The following SUMF1 variants were observed in gnomAD, a reference collection of about 807,000 sequenced individuals.
SUMF1 encodes the protein formylglycine-generating enzyme.
Under a neutral mutation model 47.6 loss-of-function variants are expected in SUMF1, and 48 were observed. The observed-to-expected ratio is 1.01, with a 90% CI of 0.80 to 1.28. The LOEUF (loss-of-function observed/expected upper bound fraction) is 1.28. Ranked by LOEUF, SUMF1 falls within the 50% of genes most tolerant of loss-of-function variation. SUMF1 has a pLI of 0.00. For synonymous variants in SUMF1, 230 were observed against 192.1 expected, an observed-to-expected ratio of 1.20 and a Z score of -1.63; for missense variants, 571 against 485.4, an observed-to-expected ratio of 1.18 and a Z score of -1.66.
intron 7 of SUMF1, among the ~76,000 whole-genome samples, chr3:4,399,103 G>C: frequency 6.6e-6 from 1 of 152,220 alleles, no homozygotes; most frequent in East Asian, 1.9e-4. Context: ...AGAGGGGGCG[G>C]AGGGATGGGG....
intron 3 of SUMF1, among the ~76,000 whole-genome samples, chr3:4,443,691 G>C (rs924808961): frequency 1.3e-5 from 2 of 152,086 alleles, no homozygotes; most frequent in African/African-American, 4.8e-5. Flanking sequence ...CTTCAGCCCA[G>C]GAAGTCAAGG....
At chr3:4,191,980 G>A (rs2125143653) in intron 8 of SUMF1, among the ~76,000 whole-genome samples, 1 of 152,242 alleles carries the variant, frequency 6.6e-6, no homozygotes, top group African/African-American at 2.4e-5. Context: ...GAAGGCTTCA[G>A]AGAGGAGGTG....
chr3:4,104,361 T>A (rs1693107619), intron 8 of SUMF1, among the ~76,000 whole-genome samples: 1 of 152,076 alleles, frequency 6.6e-6, no homozygotes, highest in African/African-American at 2.4e-5. Context: ...TTTTTCTGTA[T>A]AAATTACCCT....
intron 8 of SUMF1, among the ~76,000 whole-genome samples, chr3:4,124,842 A>G (rs1693619689): frequency 6.6e-6 from 1 of 151,970 alleles, no homozygotes; most frequent in Non-Finnish European, 1.5e-5. Context: ...TTACTGCTTG[A>G]CCACTGAAAG....
intron 3 of SUMF1, among the ~76,000 whole-genome samples, chr3:4,424,626 T>TTTTTTCATA (rs1702010102): frequency 6.6e-6 from 1 of 152,042 alleles, no homozygotes; most frequent in African/African-American, 2.4e-5. Context: ...CTGTCCTTGG[T>TTTTTTCATA]GTCCATGAAA....
chr3:4,046,187 G>A (rs1016476960), intron 9 of SUMF1, among the ~76,000 whole-genome samples: 2 of 152,188 alleles, frequency 1.3e-5, no homozygotes, highest in Non-Finnish European at 2.9e-5. Context: ...GGCTGGCTCA[G>A]CTCCCAAGTG....
In SUMF1 at chr3:4,060,925, G is replaced by C. The variant is rs151237136; in HGVS notation, c.1191+7644C>G. ...CTTAGGAGTTCCTACTCTGTAAATGGAAGGATGATAAGATGACCTCTGAGG... is the reference window on the plus strand; with the variant it reads ...CTTAGGAGTTCCTACTCTGTAAATGCAAGGATGATAAGATGACCTCTGAGG... On this transcript the variant is annotated intron_variant and NMD_transcript_variant, in intron 9 of 12. Coordinates refer to the SUMF1 transcript ENST00000448413. Among the ~76,000 whole-genome samples, 859 of 152,226 alleles carry C rather than the reference G, an allele frequency of 5.6e-3. 11 individuals carry two copies. The highest frequency in any genetic ancestry group is 0.02 in the African/African-American group (810 of 41,538).
chr3:4,417,433 G>A (rs941841805), intron 5 of SUMF1, among the ~76,000 whole-genome samples, 191 bp from the exon 6 acceptor site: 3 of 152,164 alleles, frequency 2.0e-5, no homozygotes, highest in East Asian at 1.9e-4. Context: ...CTCATGTCAC[G>A]TCCACAACAG....
intron 8 of SUMF1, among the ~76,000 whole-genome samples, chr3:4,268,499 C>CTTTTT (rs61066874): frequency 8.5e-6 from 1 of 117,312 alleles, no homozygotes. Flanking sequence ...AAATGTTTTT[C>CTTTTT]TTTTTTTTTT....
chr3:4,333,338 C>G (rs763664606), intron 8 of SUMF1, among the ~76,000 whole-genome samples: 1 of 152,220 alleles, frequency 6.6e-6, no homozygotes, highest in African/African-American at 2.4e-5. Context: ...CTTCGAGCAG[C>G]GGTGGTGACC....
intron 8 of SUMF1, among the ~76,000 whole-genome samples, chr3:4,094,966 C>G (rs2125056321): frequency 6.6e-6 from 1 of 152,080 alleles, no homozygotes; most frequent in East Asian, 1.9e-4. Context: ...GAACACACTT[C>G]AAGAAACATA....
chr3:4,058,203 A>T (rs1480350887), intron 9 of SUMF1, among the ~76,000 whole-genome samples: 2 of 152,148 alleles, frequency 1.3e-5, no homozygotes, highest in East Asian at 3.8e-4. Context: ...ATATAGCACC[A>T]CAATCTGTAT....
chr3:4,111,069 C>A (rs1199916967), intron 8 of SUMF1, among the ~76,000 whole-genome samples: 1 of 151,222 alleles, frequency 6.6e-6, no homozygotes, highest in Non-Finnish European at 1.5e-5. Context: ...TCAAAGTCAG[C>A]ATTTTTTTTA....
At chr3:4,355,851 T>C (rs1372915039) in intron 8 of SUMF1, among the ~76,000 whole-genome samples, 1 of 152,202 alleles carries the variant, frequency 6.6e-6, no homozygotes, top group Non-Finnish European at 1.5e-5. Context: ...AGCCTTCTCA[T>C]AATGATGACT....
In SUMF1 at chr3:4,137,751, G is replaced by C. The variant is rs191695149; in HGVS notation, c.1015-69006C>G. Reference sequence around the variant, plus strand: ...GCTTTTCCTTTCACATCCAGAACAAGACAGAGATGCTCATTCCTACCACTT... The same window carrying C: ...GCTTTTCCTTTCACATCCAGAACAACACAGAGATGCTCATTCCTACCACTT... On this transcript the variant is annotated intron_variant and NMD_transcript_variant, in intron 8 of 12. Transcript: ENST00000448413. Among the ~76,000 whole-genome samples the C allele has an allele frequency of 1.6e-3, 244 of 152,130 alleles. 1 individual carries two copies. Among genetic ancestry groups the C allele is most frequent in the Admixed American group, 4.9e-3 (75 of 15,276 alleles).
chr3:4,265,668 AT>A (rs1352619980), intron 8 of SUMF1, among the ~76,000 whole-genome samples: 4 of 151,818 alleles, frequency 2.6e-5, no homozygotes, highest in African/African-American at 4.8e-5. Flanking sequence ...ATTTTCTCCC[AT>A]TTTCTGGGTT....
At position 4,187,589 on chromosome 3, in the gene SUMF1, C is replaced by T. The variant is rs562183660; in HGVS notation, c.1015-118844G>A. Among the ~76,000 whole-genome samples the T allele has an allele frequency of 1.4e-4, 21 of 152,134 alleles. No individual in the cohort carries two copies. The South Asian group carries it at 2.9e-3, about 21-fold the overall frequency. On this transcript the variant is annotated intron_variant and NMD_transcript_variant, in intron 8 of 12. Coordinates refer to the SUMF1 transcript ENST00000448413. The stretch of plus-strand genomic sequence containing the variant: ...ATTGAGGAATTAAAATTGGAGAAGA[C>T]GAATTTTATTGAGGGTTTCCCAATA...
intron 8 of SUMF1, among the ~76,000 whole-genome samples, chr3:4,266,515 G>A (rs1389303368): frequency 4.6e-5 from 7 of 152,094 alleles, no homozygotes; most frequent in South Asian, 2.1e-4. Context: ...GTTCACTCAT[G>A]ATTTGGCTGT....
rs530006008 is a variant in SUMF1 at position 4,239,839 on chromosome 3, G to C, written c.1014+136491C>G. Among the ~76,000 whole-genome samples the C allele has an allele frequency of 2.6e-5, 4 of 152,260 alleles. No homozygotes were observed. The East Asian group carries it at 5.8e-4, about 22-fold the overall frequency. On this transcript the variant is annotated intron_variant and NMD_transcript_variant, in intron 8 of 12. Coordinates refer to the SUMF1 transcript ENST00000448413. ...AGGAGTGGTGAGAGAGGGCATCCTTGTCTTATGCTGGTTTTCAAAAGGAAT... is the reference window on the plus strand; with the variant it reads ...AGGAGTGGTGAGAGAGGGCATCCTTCTCTTATGCTGGTTTTCAAAAGGAAT...
Sources: gnomAD v4.1 joint callset for allele counts (sites outside exome capture counted in the v4.1 genomes callset) on GRCh38, gnomAD v4.1.1 for gene constraint, MANE v1.5 for transcripts, NCBI Gene and HGNC (gene_info 2026-07-23, HGNC 2026-07-21) for gene names.